The following NAA30 variants were observed in gnomAD, a reference collection of about 807,000 sequenced individuals.
The protein encoded by NAA30 is N-alpha-acetyltransferase 30.
Under a neutral mutation model 31.4 loss-of-function variants are expected in NAA30, and 5 were observed. That is an observed-to-expected ratio of 0.16 (90% CI 0.08 to 0.33). The LOEUF (loss-of-function observed/expected upper bound fraction) is 0.33, where lower values mean the gene tolerates loss of function less well. Among genes scored for constraint, NAA30 ranks in the 10% least tolerant of loss-of-function variants. The pLI is 1.00. For missense variants in NAA30, 428 were observed against 490.8 expected, an observed-to-expected ratio of 0.87 and a Z score of 1.21; for synonymous variants, 222 against 207.1, an observed-to-expected ratio of 1.07 and a Z score of -0.62.
At chr14:57,401,858 A>C (rs1264398274) in intron 4 of NAA30, among the ~76,000 whole-genome samples, 1 of 152,240 alleles carries the variant, frequency 6.6e-6, no homozygotes, top group Non-Finnish European at 1.5e-5. Flanking sequence ...ATTCTAAATT[A>C]ATGATATATT....
intron 4 of NAA30, among the ~76,000 whole-genome samples, chr14:57,404,541 CAGA>C (rs925475930): frequency 1.8e-4 from 27 of 152,078 alleles, no homozygotes; most frequent in African/African-American, 6.5e-4. Context: ...ACTTGGGAAA[CAGA>C]AGAAGAAAGT....
intron 1 of NAA30, 22 bp downstream of exon 1, chr14:57,390,727 C>A: frequency 2.4e-6 from 1 of 416,232 alleles, no homozygotes; most frequent in Non-Finnish European, 4.2e-6. Context: ...GGAGGGGCCG[C>A]GAGTGACAGG....
intron 4 of NAA30, among the ~76,000 whole-genome samples, chr14:57,400,678 A>T (rs1051329573): frequency 1.3e-5 from 2 of 152,222 alleles, no homozygotes; most frequent in African/African-American, 4.8e-5. Flanking sequence ...AAGTTTTTTT[A>T]AAAGGTTGAC....
intron 4 of NAA30, 63 bp from the exon 5 acceptor site, chr14:57,409,311 TGTTTA>T (rs1375680524): frequency 3.2e-6 from 4 of 1,249,766 alleles, no homozygotes; most frequent in Non-Finnish European, 4.4e-6. Flanking sequence ...TTTAAAAAAT[TGTTTA>T]GTTGGTAAAT....
chr14:57,391,931 C>T lies in NAA30; in HGVS notation c.771+203C>T, dbSNP rs895432202. On this transcript the variant is annotated intron_variant, in intron 2 of 4. Coordinates refer to ENST00000556492, the MANE Select transcript of NAA30 (RefSeq NM_001011713.3). This position sits in a 1 kb window ranked among gnomAD's most constrained non-coding sequence, Gnocchi z 4.1. Reference sequence around the variant, plus strand: ...CTTCATGATTCGGGTTAACGTGATACTAGTGTAACTGCAGCAAGCCTGTAT... The same window carrying T: ...CTTCATGATTCGGGTTAACGTGATATTAGTGTAACTGCAGCAAGCCTGTAT... 2.0e-5 allele frequency among the ~76,000 whole-genome samples: 3 copies of T among 152,206 alleles called. No homozygotes were observed. The highest frequency in any genetic ancestry group is 7.2e-5 in the African/African-American group (3 of 41,450).
chr14:57,407,051 A>G (rs926177920), intron 4 of NAA30, among the ~76,000 whole-genome samples: 1 of 151,990 alleles, frequency 6.6e-6, no homozygotes, highest in African/African-American at 2.4e-5. Flanking sequence ...ACACCACCAC[A>G]CCTGGCTAAT....
chr14:57,393,970 A>AG (rs2066440454), intron 2 of NAA30, among the ~76,000 whole-genome samples: 1 of 151,932 alleles, frequency 6.6e-6, no homozygotes, highest in Non-Finnish European at 1.5e-5. Context: ...CAAGAGATTA[A>AG]AAACCTCCAA....
chr14:57,391,234 C>G lies in NAA30; in HGVS notation c.277C>G (p.Arg93Gly). The G allele has an allele frequency of 6.2e-7, 1 of 1,612,124 alleles. No homozygotes were observed. Among genetic ancestry groups the G allele is most frequent in the East Asian group, 2.2e-5 (1 of 44,856 alleles). The change falls in exon 2 of 5, where the codon CGG (arginine) becomes GGG (glycine). Residue 93 changes from arginine to glycine, a missense_variant. Arg to Gly is a moderately radical substitution (Grantham distance 125). Coordinates refer to ENST00000556492, the MANE Select transcript of NAA30 (RefSeq NM_001011713.3). This position sits in a 1 kb window ranked among gnomAD's most constrained non-coding sequence, Gnocchi z 4.1. ...QLNGLISPEL[R>G]HLRAAASLKS... ...CAACGGATTGATTAGCCCCGAACTG[C>G]GGCACCTCCGGGCGGCCGCCTCCCT...
chr14:57,401,135 T>C (rs1035710107), intron 4 of NAA30, among the ~76,000 whole-genome samples: 3 of 152,240 alleles, frequency 2.0e-5, no homozygotes, highest in African/African-American at 7.2e-5. Flanking sequence ...GTAATTCTTA[T>C]TCAATAATTA....
intron 3 of NAA30, 67 bp downstream of exon 3, chr14:57,396,942 A>C: frequency 6.7e-7 from 1 of 1,502,066 alleles, no homozygotes. Flanking sequence ...GTTTTGAAAT[A>C]AAAGACTTAA....
chr14:57,398,006 A>C (rs77953284), intron 3 of NAA30, among the ~76,000 whole-genome samples: 79 of 152,320 alleles, frequency 5.2e-4, no homozygotes, highest in African/African-American at 1.9e-3. Flanking sequence ...AAGCATGTCA[A>C]ATTTTGTGAT....
Position 57,414,876 on chromosome 14 carries a change from A to C in NAA30, c.*5360A>C, listed in dbSNP as rs1056897575. On this transcript the variant is annotated 3_prime_UTR_variant, in exon 5 of 5. Transcript: ENST00000556492. ...GGGGATTAAGTCAGTGTTTAATCTC[A>C]ATATGAAACAGACCTAGAAATAACA... 6.6e-6 allele frequency: 1 copy of C among 152,210 alleles called. No individual in the cohort carries two copies. The highest frequency in any genetic ancestry group is 1.5e-5 in the Non-Finnish European group (1 of 68,042). The allele number at this position is 152,210 out of a possible 1,614,324, so 9.4% of individuals were successfully genotyped here. A position where few individuals can be genotyped will look rare whatever the true frequency, so the allele number is the denominator to read the frequency against.
intron 4 of NAA30, among the ~76,000 whole-genome samples, chr14:57,402,201 A>G (rs1438231104): frequency 6.6e-6 from 1 of 152,234 alleles, no homozygotes; most frequent in Non-Finnish European, 1.5e-5. Context: ...TTAAGACCCA[A>G]TTCAAATACC....
chr14:57,401,651 G>T (rs964331726), intron 4 of NAA30, among the ~76,000 whole-genome samples: 2 of 152,204 alleles, frequency 1.3e-5, no homozygotes, highest in Non-Finnish European at 2.9e-5. Context: ...GTGAACAGGG[G>T]TGTTAAGAGC....
chr14:57,391,707 C>T lies in NAA30; in HGVS notation c.750C>T (p.Asn250=). The T allele has an allele frequency of 6.2e-7, 1 of 1,608,224 alleles. No homozygotes were observed. The highest frequency in any genetic ancestry group is 1.7e-4 in the Middle Eastern group (1 of 6,022). The part of the protein sequence containing the change: ...SIYTYRYFIH[N]WPQLCFLAMV... ...ATACCTATAGATATTTTATCCACAA[C>T]TGGCCACAGCTGTGCTTCTTGGTAA... The change falls in exon 2 of 5, where the codon AAC becomes AAT. Residue 250 remains asparagine, a synonymous_variant. Coordinates refer to ENST00000556492, the MANE Select transcript of NAA30 (RefSeq NM_001011713.3). This position sits in a 1 kb window ranked among gnomAD's most constrained non-coding sequence, Gnocchi z 4.1.
rs368845287 is a variant in NAA30 at position 57,402,795 on chromosome 14, G to T, written c.951+2912G>T. ...AATCTGTGAAAGACATTTCAGAAGGGTTTTAAATTAGATTTTCTACTACTT... is the reference window on the plus strand; with the variant it reads ...AATCTGTGAAAGACATTTCAGAAGGTTTTTAAATTAGATTTTCTACTACTT... On this transcript the variant is annotated intron_variant, in intron 4 of 4. Transcript: ENST00000556492. 5.3e-5 allele frequency among the ~76,000 whole-genome samples: 8 copies of T among 152,278 alleles called. 2 individuals carry two copies. Among genetic ancestry groups the T allele is most frequent in the South Asian group, 2.1e-4 (1 of 4,824 alleles).
intron 3 of NAA30, among the ~76,000 whole-genome samples, chr14:57,398,320 A>G (rs576940734): frequency 3.3e-5 from 5 of 152,144 alleles, no homozygotes; most frequent in Non-Finnish European, 7.3e-5. Context: ...ATGATAAATT[A>G]TAGCCAATTG....
chr14:57,397,014 A>T (rs893957328), intron 3 of NAA30, 139 bp downstream of exon 3: 6 of 787,284 alleles, frequency 7.6e-6, no homozygotes, highest in Non-Finnish European at 7.5e-6. Context: ...TTTAATTTTT[A>T]ATTTCAAAAT....
Position 57,391,813 on chromosome 14 carries a change from T to A in NAA30, c.771+85T>A. On this transcript the variant is annotated intron_variant, in intron 2 of 4. Coordinates refer to ENST00000556492, the MANE Select transcript of NAA30 (RefSeq NM_001011713.3). The surrounding 1 kb of genome is among the most constrained non-coding windows in gnomAD (Gnocchi z 4.1). ...GGAGTGAGGGCCCAGAATGTGGCAG[T>A]GGATATCTCCTGCTGCGTATCATAG... The A allele has an allele frequency of 3.0e-6, 3 of 1,006,552 alleles. No individual in the cohort carries two copies. The highest frequency in any genetic ancestry group is 2.4e-5 in the East Asian group (1 of 41,746). 62.4% of individuals were successfully genotyped at this position (1,006,552 alleles called of 1,614,324 possible).
Sources: allele counts gnomAD v4.1 joint callset (sites outside exome capture counted in the v4.1 genomes callset), GRCh38; gene constraint gnomAD v4.1.1; non-coding constraint Gnocchi (gnomAD v3.1); transcripts MANE v1.5; gene names NCBI Gene and HGNC (gene_info 2026-07-23, HGNC 2026-07-21).